The following HPS1 variants were observed in gnomAD, a reference collection of about 807,000 sequenced individuals.
The protein encoded by HPS1 is BLOC-3 complex member HPS1.
In HPS1, 59 loss-of-function variants were observed where a neutral mutation model predicts 90.6. That is an observed-to-expected ratio of 0.65 (90% CI 0.53 to 0.81). HPS1 has a LOEUF of 0.81. HPS1 is among the 30% of genes least tolerant of loss of function. The pLI is 0.00. For synonymous variants in HPS1, 388 were observed against 384.4 expected (o/e 1.01, Z -0.11); for missense variants, 849 against 896.7 (o/e 0.95, Z 0.68).
intron 1 of HPS1, among the ~76,000 whole-genome samples, chr10:98,446,606 C>A (rs1170578821): frequency 6.6e-6 from 1 of 152,176 alleles, no homozygotes; most frequent in Non-Finnish European, 1.5e-5. Context: ...CAGTTTCTGT[C>A]CAGTTTCACC....
chr10:98,422,402 GC>G lies in HPS1; in HGVS notation c.1709del (p.Gly570AlafsTer16). The G allele has an allele frequency of 6.2e-7, 1 of 1,611,952 alleles. No individual in the cohort carries two copies. Among genetic ancestry groups the G allele is most frequent in the Non-Finnish European group, 8.5e-7 (1 of 1,178,672 alleles). On this transcript the variant is annotated frameshift_variant, in exon 17 of 20. Coordinates refer to ENST00000361490, the MANE Select transcript of HPS1 (RefSeq NM_000195.5). LOFTEE classifies it high-confidence loss of function. ...NCSQKTSSEL[G>X]KGPLAAFVKT... The stretch of plus-strand genomic sequence containing the variant: ...TGACAAAGGCAGCCAGCGGCCCCTT[GC>G]CCAACTCCGACGAGGTCTTTTGACT...
chr10:98,444,385 G>C (rs1383007371), intron 2 of HPS1, among the ~76,000 whole-genome samples: 1 of 152,094 alleles, frequency 6.6e-6, no homozygotes, highest in East Asian at 1.9e-4. Context: ...CTCTGCGTGC[G>C]GCAAACCCTC....
At chr10:98,421,979 GACACACACAC>G (rs200573934) in intron 17 of HPS1, among the ~76,000 whole-genome samples, 38 of 140,032 alleles carry the variant, frequency 2.7e-4, no homozygotes, top group East Asian at 1.2e-3. Flanking sequence ...CACACACACA[GACACACACAC>G]ACACACACAC....
intron 3 of HPS1, chr10:98,442,775 T>C: frequency 3.0e-6 from 1 of 330,326 alleles, no homozygotes; most frequent in South Asian, 2.6e-5. Context: ...CCCAAAGTGT[T>C]GTGATTACAG....
At position 98,417,223 on chromosome 10, in the gene HPS1, G is replaced by A. The variant is rs1418028822; in HGVS notation, c.*341C>T. On this transcript the variant is annotated 3_prime_UTR_variant, in exon 20 of 20. Coordinates refer to ENST00000361490, the MANE Select transcript of HPS1 (RefSeq NM_000195.5). This position sits in a 1 kb window ranked among gnomAD's most constrained non-coding sequence, Gnocchi z 4.2. ...CCTGGGGTAGGAGAGAGCTTGCTGG[G>A]TGGGCTTCCTCCACGCAGGGAACAG... The A allele has an allele frequency of 5.2e-6, 1 of 193,550 alleles. No individual in the cohort carries two copies. The highest frequency in any genetic ancestry group is 1.1e-5 in the Non-Finnish European group (1 of 95,232). 12.0% of individuals were successfully genotyped at this position (193,550 alleles called of 1,614,324 possible).
intron 17 of HPS1, among the ~76,000 whole-genome samples, chr10:98,420,675 C>T (rs986754648): frequency 3.3e-5 from 5 of 151,920 alleles, no homozygotes; most frequent in African/African-American, 4.8e-5. Context: ...GTGCTTGTGC[C>T]GCTGCACTCT....
intron 17 of HPS1, 182 bp from the exon 18 acceptor site, chr10:98,420,340 A>G (rs1844693497): frequency 1.6e-6 from 1 of 634,928 alleles, no homozygotes; most frequent in Non-Finnish European, 2.9e-6. Flanking sequence ...TATTGGATGG[A>G]TGGACTACCC....
At chr10:98,430,716 G>T in intron 7 of HPS1, 46 bp from the exon 8 acceptor site, 1 of 1,478,248 alleles carries the variant, frequency 6.8e-7, no homozygotes. Flanking sequence ...TGCCCAGCAG[G>T]AGACGGGGCA....
chr10:98,423,813 G>C lies in HPS1; in HGVS notation c.1472C>G (p.Pro491Arg), dbSNP rs2296434. Residue 491 changes from proline (P) to arginine (R), a missense_variant, in exon 15 of 20, where the codon CCC (proline) becomes CGC (arginine). Transcript: ENST00000361490. ...IYRLNFLTTA[P>R]SRGGPHLPQH... is the part of the protein sequence containing the mutation. ...GGGCAGGTGTGGGCCTCCCCTGCTG[G>C]GGGCTGTGGTCAGAAAGTTCAGCCG... The C allele has an allele frequency of 0.091, 147,438 of 1,613,882 alleles. 7,326 individuals carry two copies. Among genetic ancestry groups the C allele is most frequent in the East Asian group, 0.16 (7,284 of 44,854 alleles).
chr10:98,426,225 G>A, intron 11 of HPS1: 1 of 536,786 alleles, frequency 1.9e-6, no homozygotes, highest in Non-Finnish European at 3.4e-6. Context: ...AGGGCAGTGG[G>A]CAGGGGCAGA....
intron 2 of HPS1, among the ~76,000 whole-genome samples, chr10:98,444,552 G>T (rs1330419461): frequency 6.6e-6 from 1 of 152,184 alleles, no homozygotes; most frequent in Non-Finnish European, 1.5e-5. Context: ...GCTAAGCCAT[G>T]ACAATGATTA....
chr10:98,423,678 G>A lies in HPS1; in HGVS notation c.1533-10C>T, dbSNP rs757244628. On this transcript the variant is annotated splice_polypyrimidine_tract_variant and intron_variant, in intron 15 of 19. Coordinates refer to ENST00000361490, the MANE Select transcript of HPS1 (RefSeq NM_000195.5). The stretch of plus-strand genomic sequence containing the variant: ...GTCCGTCAGCTTCTCCCTGCCGAGG[G>A]AAGCTCGGGCTGCGTGAAGGAAGTA... 3 of 1,614,114 alleles carry A rather than the reference G, an allele frequency of 1.9e-6. No individual in the cohort carries two copies. The highest frequency in any genetic ancestry group is 2.5e-6 in the Non-Finnish European group (3 of 1,180,012).
chr10:98,441,439 T>C (rs1938403613), intron 3 of HPS1, among the ~76,000 whole-genome samples: 1 of 152,206 alleles, frequency 6.6e-6, no homozygotes, highest in Admixed American at 6.5e-5. Context: ...AAAGAATATG[T>C]AGAGAAAACT....
intron 7 of HPS1, 84 bp from the exon 8 acceptor site, chr10:98,430,754 C>A (rs1846333070): frequency 1.8e-6 from 2 of 1,109,720 alleles, no homozygotes; most frequent in Admixed American, 2.0e-5. Context: ...TGGAGCCTGG[C>A]CCCTGCCCTC....
At chr10:98,430,467 A>AGAAACTTT in intron 8 of HPS1, 104 bp downstream of exon 8, 2 of 847,318 alleles carry the variant, frequency 2.4e-6, no homozygotes. Context: ...ATTGTGACTT[A>AGAAACTTT]GAAAACATGG....
At position 98,429,905 on chromosome 10, in the gene HPS1, G is replaced by T. The variant is rs1265938318; in HGVS notation, c.769-16C>A. 3 of 1,605,224 alleles carry T rather than the reference G, an allele frequency of 1.9e-6. No individual in the cohort carries two copies. The highest frequency in any genetic ancestry group is 1.7e-4 in the Middle Eastern group (1 of 5,998). ...GCGGGGAAGGCTGTGCAGGGCAGGG[G>T]AGAGGCTGGTTAGCTCCTATCTGAC... On this transcript the variant is annotated splice_polypyrimidine_tract_variant and intron_variant, in intron 8 of 19. Coordinates refer to ENST00000361490, the MANE Select transcript of HPS1 (RefSeq NM_000195.5).
rs568902356 is a variant in HPS1, at chr10:98,427,331, T to C, written c.938-67A>G. 1.2e-3 allele frequency: 1,615 copies of C among 1,372,790 alleles called. 9 individuals carry two copies. Among genetic ancestry groups the C allele is most frequent in the South Asian group, 3.0e-3 (245 of 80,618 alleles). 85.0% of individuals were successfully genotyped at this position (1,372,790 alleles called of 1,614,324 possible). ...AGATGTAAGCAATGGCTCAACAGCA[T>C]GGGGTAGGGGGCCCAGGTGCCCCCC... On this transcript the variant is annotated intron_variant, in intron 10 of 19. Coordinates refer to ENST00000361490, the MANE Select transcript of HPS1 (RefSeq NM_000195.5).
In HPS1 at chr10:98,425,852, AG is replaced by A; in HGVS notation, c.1120del (p.Leu374CysfsTer10). 3 of 1,614,046 alleles carry A rather than the reference AG, an allele frequency of 1.9e-6. No individual in the cohort carries two copies. The highest frequency in any genetic ancestry group is 1.7e-6 in the Non-Finnish European group (2 of 1,179,970). ...GAGCACCAGGTTGATGCCCTGCCAC[AG>A]GGGCAGGCAGTACATGGTGTGGGGC... ...LVPHTMYCLPLWQGINLVLLT... is the reference protein window; with the variant it reads ...LVPHTMYCLPXWQGINLVLLT... On this transcript the variant is annotated frameshift_variant, in exon 12 of 20. Coordinates refer to ENST00000361490, the MANE Select transcript of HPS1 (RefSeq NM_000195.5). LOFTEE classifies it high-confidence loss of function.
At chr10:98,419,913 C>G in intron 18 of HPS1, 132 bp downstream of exon 18, 2 of 767,734 alleles carry the variant, frequency 2.6e-6, no homozygotes, top group South Asian at 2.7e-5. Flanking sequence ...TGGCTCCCAA[C>G]CTGCTGGGCT....
Sources: gnomAD v4.1 joint callset for allele counts (sites outside exome capture counted in the v4.1 genomes callset) on GRCh38, gnomAD v4.1.1 for gene constraint, Gnocchi (gnomAD v3.1) non-coding constraint, MANE v1.5 for transcripts, NCBI Gene and HGNC (gene_info 2026-07-23, HGNC 2026-07-21) for gene names.